Variants in PIK3CA observed in about 807,000 individuals in gnomAD.
PIK3CA encodes the protein phosphatidylinositol 4,5-bisphosphate 3-kinase catalytic subunit alpha isoform.
Under a neutral mutation model 138.2 loss-of-function variants are expected in PIK3CA, and 27 were observed. That is an observed-to-expected ratio of 0.20 (90% CI 0.14 to 0.27). The LOEUF is 0.27. PIK3CA is among the 10% of genes least tolerant of loss of function. The pLI is 1.00. For synonymous variants in PIK3CA, 358 were observed against 413.2 expected (o/e 0.87, Z 1.62); for missense variants, 544 against 1,277.4 (o/e 0.43, Z 8.75).
At chr3:179,165,861 T>C in intron 1 of PIK3CA, among the ~76,000 whole-genome samples, 1 of 152,180 alleles carries the variant, frequency 6.6e-6, no homozygotes, top group Non-Finnish European at 1.5e-5. Context: ...CTCAGTAACA[T>C]GTTGATCTTG....
intron 15 of PIK3CA, 60 bp from the exon 16 acceptor site, chr3:179,224,640 T>G: frequency 8.8e-7 from 1 of 1,131,828 alleles, no homozygotes; most frequent in Non-Finnish European, 1.3e-6. Context: ...TTAAAATAAA[T>G]TTCAGGGTAA....
At chr3:179,217,824 T>A (rs572544994) in intron 9 of PIK3CA, among the ~76,000 whole-genome samples, 29 of 152,184 alleles carry the variant, frequency 1.9e-4, no homozygotes, top group South Asian at 6.2e-4. Context: ...TTTTATCATT[T>A]TAGTGTTTCT....
At chr3:179,210,596 C>A (rs1724686165) in intron 9 of PIK3CA, 31 bp downstream of exon 9, 2 of 1,600,880 alleles carry the variant, frequency 1.2e-6, no homozygotes, top group Non-Finnish European at 1.7e-6. Flanking sequence ...TATTAAGTAT[C>A]AATTATAATC....
chr3:179,175,481 G>A (rs116337409), intron 1 of PIK3CA, among the ~76,000 whole-genome samples: 5 of 151,942 alleles, frequency 3.3e-5, no homozygotes, highest in South Asian at 4.1e-4. Context: ...TGTGTACTCC[G>A]TAAGTCCCTG....
intron 6 of PIK3CA, among the ~76,000 whole-genome samples, chr3:179,204,797 G>A (rs1452816748): frequency 6.6e-6 from 1 of 151,774 alleles, no homozygotes; most frequent in Non-Finnish European, 1.5e-5. Flanking sequence ...TGAGGCGGGT[G>A]GATCACGAAG....
At chr3:179,151,164 T>C (rs1468288152) in intron 1 of PIK3CA, among the ~76,000 whole-genome samples, 1 of 152,238 alleles carries the variant, frequency 6.6e-6, no homozygotes, top group African/African-American at 2.4e-5. Context: ...ATTAGCACAG[T>C]TATCAAATAG....
At chr3:179,196,362 T>C (rs1392289335) in intron 1 of PIK3CA, among the ~76,000 whole-genome samples, 1 of 152,226 alleles carries the variant, frequency 6.6e-6, no homozygotes, top group Non-Finnish European at 1.5e-5. Context: ...CATTTGGCGT[T>C]TTCCCTTGCA....
intron 1 of PIK3CA, among the ~76,000 whole-genome samples, chr3:179,174,711 C>A (rs1047738974): frequency 2.0e-5 from 3 of 152,180 alleles, no homozygotes; most frequent in African/African-American, 7.2e-5. Context: ...TTTGCCTTAT[C>A]TCATCATCCT....
At chr3:179,216,680 A>T (rs1407323053) in intron 9 of PIK3CA, among the ~76,000 whole-genome samples, 1 of 152,170 alleles carries the variant, frequency 6.6e-6, no homozygotes, top group Non-Finnish European at 1.5e-5. Flanking sequence ...TTTGACAATG[A>T]TATATTTATC....
intron 1 of PIK3CA, among the ~76,000 whole-genome samples, chr3:179,192,562 T>C (rs17592582): frequency 0.05 from 7,675 of 152,322 alleles, 252 homozygotes; most frequent in Middle Eastern, 0.19. Context: ...ACTTATGCGG[T>C]TGATACCAGG....
intron 1 of PIK3CA, among the ~76,000 whole-genome samples, chr3:179,162,143 CATG>C (rs753005157): frequency 1.1e-4 from 16 of 151,812 alleles, no homozygotes; most frequent in Admixed American, 9.8e-4. Context: ...AAATCTGAAA[CATG>C]ATGAAGTTAT....
At chr3:179,199,276 T>G in intron 2 of PIK3CA, 99 bp downstream of exon 2, 1 of 687,474 alleles carries the variant, frequency 1.5e-6, no homozygotes, top group Non-Finnish European at 2.3e-6. Flanking sequence ...CTTCGTAATC[T>G]TAAATAGCTT....
intron 1 of PIK3CA, among the ~76,000 whole-genome samples, chr3:179,179,856 T>G (rs1476223749): frequency 1.3e-5 from 2 of 152,210 alleles, no homozygotes; most frequent in Non-Finnish European, 2.9e-5. Flanking sequence ...CAGCCAAGTT[T>G]AATAAGACTG....
chr3:179,210,091 A>C, intron 7 of PIK3CA, 95 bp from the exon 8 acceptor site: 13 of 902,716 alleles, frequency 1.4e-5, no homozygotes, highest in Non-Finnish European at 2.2e-5. Flanking sequence ...CCATTATTAT[A>C]GAGATGATTG....
rs891463830 is a variant in PIK3CA, at chr3:179,236,062, ATACTC to A, written c.*1701_*1705del. 4.8e-5 allele frequency: 10 copies of A among 206,728 alleles called. No individual in the cohort carries two copies. The Admixed American group carries it at 6.0e-4, about 12-fold the overall frequency. 12.8% of individuals were successfully genotyped at this position (206,728 alleles called of 1,614,324 possible). A position where few individuals can be genotyped will look rare whatever the true frequency, so the allele number is the denominator to read the frequency against. On this transcript the variant is annotated 3_prime_UTR_variant, in exon 21 of 21. Coordinates refer to ENST00000263967, the MANE Select transcript of PIK3CA (RefSeq NM_006218.4). ...CAACTTTATAAAGAGTGAACATTGTATACTCTAGTAAAACAGCATCACTTTAAAAA... is the reference window on the plus strand; with the variant it reads ...CAACTTTATAAAGAGTGAACATTGTATAGTAAAACAGCATCACTTTAAAAA...
At chr3:179,190,292 CTA>C (rs1420911811) in intron 1 of PIK3CA, among the ~76,000 whole-genome samples, 1 of 150,078 alleles carries the variant, frequency 6.7e-6, no homozygotes, top group African/African-American at 2.4e-5. Context: ...AAAAAGTGCA[CTA>C]TATATATAGT....
At chr3:179,161,637 C>T (rs1447012407) in intron 1 of PIK3CA, among the ~76,000 whole-genome samples, 1 of 152,122 alleles carries the variant, frequency 6.6e-6, no homozygotes, top group Non-Finnish European at 1.5e-5. Flanking sequence ...TTGGAGGTTG[C>T]GGTGAGCTGA....
chr3:179,223,183 A>G (rs527279768), intron 14 of PIK3CA, among the ~76,000 whole-genome samples: 1 of 152,230 alleles, frequency 6.6e-6, no homozygotes, highest in African/African-American at 2.4e-5. Flanking sequence ...CTATCTAGTC[A>G]GTGATGATTA....
In PIK3CA at chr3:179,148,531, G is replaced by C. The variant is rs1423074856; in HGVS notation, c.-149G>C. 3 of 152,108 alleles carry C rather than the reference G, an allele frequency of 2.0e-5. No individual in the cohort carries two copies. Among genetic ancestry groups the C allele is most frequent in the African/African-American group, 4.8e-5 (2 of 41,346 alleles). The allele number at this position is 152,108 out of a possible 1,614,324, so 9.4% of individuals were successfully genotyped here. On this transcript the variant is annotated 5_prime_UTR_variant, in exon 1 of 21. Coordinates refer to ENST00000263967, the MANE Select transcript of PIK3CA (RefSeq NM_006218.4). ...CGTGCCGCCCGCTCTCCTCTCCCTC[G>C]GCGCCGCCGCCGCCGCCCGCGGGGC...
Sources: gnomAD v4.1 joint callset for allele counts (sites outside exome capture counted in the v4.1 genomes callset) on GRCh38, gnomAD v4.1.1 for gene constraint, MANE v1.5 for transcripts, NCBI Gene and HGNC (gene_info 2026-07-23, HGNC 2026-07-21) for gene names.